Variants in CROCC2 observed in about 807,000 individuals in gnomAD.
CROCC2 encodes the protein ciliary rootlet coiled-coil protein 2.
In CROCC2, 163 loss-of-function variants were observed where a neutral mutation model predicts 177.6. The ratio of observed to expected loss-of-function variants is 0.92; its 90% CI spans 0.81 to 1.05. The LOEUF (loss-of-function observed/expected upper bound fraction) is 1.05, where lower values mean the gene tolerates loss of function less well. CROCC2 is among the 50% of genes least tolerant of loss of function. CROCC2 has a pLI of 0.00. For missense variants in CROCC2, 1,929 were observed against 1,797.8 expected (o/e 1.07, Z -1.32); for synonymous variants, 904 against 787.3 (o/e 1.15, Z -2.48).
Position 240,988,845 on chromosome 2 carries a change from C to G in CROCC2, c.4658C>G (p.Ala1553Gly). The G allele has an allele frequency of 6.7e-7, 1 of 1,496,262 alleles. No homozygotes were observed. The highest frequency in any genetic ancestry group is 9.0e-7 in the Non-Finnish European group (1 of 1,115,814). 92.7% of individuals were successfully genotyped at this position (1,496,262 alleles called of 1,614,324 possible). A position where few individuals can be genotyped will look rare whatever the true frequency, so the allele number is the denominator to read the frequency against. ...LNSLHQEVDG[A>G]LRQNQQLQAQ... is the part of the protein sequence containing the mutation. ...AGCCTGCACCAGGAGGTGGACGGAG[C>G]CCTGAGGCAAAATCAGCAGCTGCAG... Residue 1553 changes from alanine to glycine, a missense_variant, in exon 29 of 32, where the codon GCC (alanine) becomes GGC (glycine). Physicochemically the swap from Ala to Gly is moderately conservative, Grantham distance 60. This residue lies in a region of CROCC2 where 388 missense variants were observed against 352.7 expected (regional missense o/e 1.10). Coordinates refer to ENST00000690015, the MANE Select transcript of CROCC2 (RefSeq NM_001351305.2).
chr2:240,985,777 A>ACTCCACACTCACCCAGGCACTCC (rs1559192935), intron 28 of CROCC2: 1 of 226,594 alleles, frequency 4.4e-6, no homozygotes, highest in Admixed American at 5.4e-5. Flanking sequence ...CCAGGCACTC[A>ACTCCACACTCACCCAGGCACTCC]GCACACACCC....
rs559408100 is a variant in CROCC2, at chr2:240,918,828, C to A, written c.181C>A (p.Arg61Ser). ...GGCCTCGCCCACCCCCGTGCCCACC[C>A]GCATCCGTGAGATCGTGGCCGGCAG... ...RQASPTPVPT[R>S]IREIVAGSLS... Residue 61 changes from arginine (R) to serine (S), a missense_variant, in exon 2 of 32, where the codon CGC becomes AGC. Physicochemically the swap from Arg to Ser is moderately radical, Grantham distance 110. Around this residue, in one of 3 missense-constraint regions of CROCC2, gnomAD observed 1,397 missense variants for 1,239.9 expected, o/e 1.13. Coordinates refer to ENST00000690015, the MANE Select transcript of CROCC2 (RefSeq NM_001351305.2). This position sits in a 1 kb window ranked among gnomAD's most constrained non-coding sequence, Gnocchi z 6.3. 7 of 631,124 alleles carry A rather than the reference C, an allele frequency of 1.1e-5. No individual in the cohort carries two copies. In the African/African-American group the frequency reaches 1.1e-4, roughly 10 times the overall value. The allele number at this position is 631,124 out of a possible 1,614,324, so 39.1% of individuals were successfully genotyped here.
At chr2:240,948,432 G>A (rs1047964803) in intron 15 of CROCC2, among the ~76,000 whole-genome samples, 1 of 152,198 alleles carries the variant, frequency 6.6e-6, no homozygotes, top group Non-Finnish European at 1.5e-5. Flanking sequence ...TACCATTTGT[G>A]TGTTCATATG....
At position 240,964,456 on chromosome 2, in the gene CROCC2, C is replaced by T. The variant is rs2059663235; in HGVS notation, c.3306-10C>T. 10 of 1,548,302 alleles carry T rather than the reference C, an allele frequency of 6.5e-6. No homozygotes were observed. Among genetic ancestry groups the T allele is most frequent in the Non-Finnish European group, 8.7e-6 (10 of 1,146,722 alleles). On this transcript the variant is annotated splice_polypyrimidine_tract_variant and intron_variant, in intron 21 of 31. Coordinates refer to ENST00000690015, the MANE Select transcript of CROCC2 (RefSeq NM_001351305.2). ...GGTGCGGGGGCCCCAGCCTGTGGCACCCTCGTCAGTTTTAAGCGGTCCAAG... is the reference window on the plus strand; with the variant it reads ...GGTGCGGGGGCCCCAGCCTGTGGCATCCTCGTCAGTTTTAAGCGGTCCAAG...
rs1159544533 is a variant in CROCC2 at position 240,922,558 on chromosome 2, C to A, written c.401C>A (p.Thr134Asn). Residue 134 changes from threonine to asparagine, a missense_variant, in exon 4 of 32, where the codon ACC becomes AAC. Thr to Asn is a moderately conservative substitution (Grantham distance 65). Around this residue, in one of 3 missense-constraint regions of CROCC2, gnomAD observed 1,397 missense variants for 1,239.9 expected, o/e 1.13. Coordinates refer to ENST00000690015, the MANE Select transcript of CROCC2 (RefSeq NM_001351305.2). Reference protein sequence around the residue: ...VSEQLQARLETTEAQLRRSEL... With the variant: ...VSEQLQARLENTEAQLRRSEL... Reference sequence around the variant, plus strand: ...CCCCAGCTGCAGGCCCGGCTGGAGACCACCGAGGCTCAGCTGCGGAGGTCA... The same window carrying A: ...CCCCAGCTGCAGGCCCGGCTGGAGAACACCGAGGCTCAGCTGCGGAGGTCA... 1.4e-6 allele frequency: 1 copy of A among 694,996 alleles called. No individual in the cohort carries two copies. The highest frequency in any genetic ancestry group is 1.8e-5 in the African/African-American group (1 of 56,454). The allele number at this position is 694,996 out of a possible 1,614,324, so 43.1% of individuals were successfully genotyped here. A position where few individuals can be genotyped will look rare whatever the true frequency, so the allele number is the denominator to read the frequency against.
At position 240,989,815 on chromosome 2, in the gene CROCC2, A is replaced by G. The variant is rs2106495428; in HGVS notation, c.4845A>G (p.Val1615=). ...AAGAATGGACCCACCAGCAGCAGGT[A>G]AAGGTGCTGGAAGAGCAGGTAAGGT... is the stretch of plus-strand genomic sequence containing the variant. ...ESQEWTHQQQ[V]KVLEEQVASL... The change falls in exon 30 of 32, where the codon GTA becomes GTG. Residue 1615 remains valine (V), a synonymous_variant. Coordinates refer to ENST00000690015, the MANE Select transcript of CROCC2 (RefSeq NM_001351305.2). The G allele has an allele frequency of 6.5e-7, 1 of 1,544,864 alleles. No homozygotes were observed. The highest frequency in any genetic ancestry group is 8.8e-7 in the Non-Finnish European group (1 of 1,142,742).
At chr2:240,975,648 C>A (rs1216326521) in intron 27 of CROCC2, among the ~76,000 whole-genome samples, 1 of 151,852 alleles carries the variant, frequency 6.6e-6, no homozygotes, top group Non-Finnish European at 1.5e-5. Flanking sequence ...CGCTCCCAGC[C>A]TTCCATGCAA....
intron 15 of CROCC2, among the ~76,000 whole-genome samples, chr2:240,947,295 G>T (rs1330467016): frequency 6.6e-6 from 1 of 152,194 alleles, no homozygotes; most frequent in Non-Finnish European, 1.5e-5. Flanking sequence ...GGCCCTGGGG[G>T]CTCCAAGGAC....
chr2:240,937,034 G>C (rs546143961), intron 14 of CROCC2, among the ~76,000 whole-genome samples: 1 of 152,202 alleles, frequency 6.6e-6, no homozygotes, highest in African/African-American at 2.4e-5. Context: ...CACTGTATAG[G>C]TGTGTGTTGA....
At position 240,966,022 on chromosome 2, in the gene CROCC2, C is replaced by T. The variant is rs537820835; in HGVS notation, c.3961+29C>T. The T allele has an allele frequency of 7.5e-6, 10 of 1,327,614 alleles. No homozygotes were observed. The African/African-American group carries it at 9.1e-5, about 12-fold the overall frequency. The allele number at this position is 1,327,614 out of a possible 1,614,324, so 82.2% of individuals were successfully genotyped here. ...AGAGTCCTCAGTGGAGGCAGGCGGG[C>T]CCCTCTCCCAGCTCAGTCCCTGGCC... is the stretch of plus-strand genomic sequence containing the variant. On this transcript the variant is annotated intron_variant, in intron 24 of 31. Coordinates refer to ENST00000690015, the MANE Select transcript of CROCC2 (RefSeq NM_001351305.2).
At chr2:240,968,300 A>G (rs1430663697) in intron 27 of CROCC2, 38 bp downstream of exon 27, 2 of 1,506,740 alleles carry the variant, frequency 1.3e-6, no homozygotes, top group Non-Finnish European at 1.8e-6. Flanking sequence ...GGTGGGGCAC[A>G]AGAACAAGGC....
At chr2:240,989,392 T>C (rs2106495166) in intron 29 of CROCC2, among the ~76,000 whole-genome samples, 2 of 152,188 alleles carry the variant, frequency 1.3e-5, no homozygotes, top group Admixed American at 1.3e-4. Flanking sequence ...AAAAGGAACC[T>C]GGGGTGCCAT....
chr2:240,957,912 A>T, intron 19 of CROCC2: 1 of 944,068 alleles, frequency 1.1e-6, no homozygotes, highest in Non-Finnish European at 1.3e-6. Context: ...GCAGGGACCC[A>T]GGAAAGCCCT....
rs1002501718 is a variant in CROCC2 at position 240,972,352 on chromosome 2, C to G, written c.4401+4090C>G. 6.6e-6 allele frequency among the ~76,000 whole-genome samples: 1 copy of G among 152,062 alleles called. No homozygotes were observed. Among genetic ancestry groups the G allele is most frequent in the South Asian group, 2.1e-4 (1 of 4,818 alleles). ...GGAGCTGTTCTGTTCCTGAAGTGGGCGGGGTGGGAGCGGCGCTCTCCGGTG... is the reference window on the plus strand; with the variant it reads ...GGAGCTGTTCTGTTCCTGAAGTGGGGGGGGTGGGAGCGGCGCTCTCCGGTG... On this transcript the variant is annotated intron_variant, in intron 27 of 31. Coordinates refer to ENST00000690015, the MANE Select transcript of CROCC2 (RefSeq NM_001351305.2). This position sits in a 1 kb window ranked among gnomAD's most constrained non-coding sequence, Gnocchi z 7.1.
intron 27 of CROCC2, among the ~76,000 whole-genome samples, chr2:240,969,882 CA>C (rs1290660715): frequency 6.6e-6 from 1 of 152,118 alleles, no homozygotes; most frequent in East Asian, 1.9e-4. Flanking sequence ...AGGCACCCGC[CA>C]ATACACCTAA....
chr2:240,909,344 GGGTGAGCTCTACCTCCTCCACCTCA>G (rs1559585709), intron 1 of CROCC2, among the ~76,000 whole-genome samples: 16 of 151,496 alleles, frequency 1.1e-4, no homozygotes, highest in Non-Finnish European at 2.2e-4. Context: ...CCTCCACCTG[GGGTGAGCTCTACCTCCTCCACCTCA>G]GGTGACCTCT....
At chr2:240,934,021 G>C (rs2059450922) in intron 11 of CROCC2, among the ~76,000 whole-genome samples, 169 bp downstream of exon 11, 1 of 152,188 alleles carries the variant, frequency 6.6e-6, no homozygotes, top group Non-Finnish European at 1.5e-5. Context: ...TTCTCCCCAG[G>C]CTGCACCATC....
chr2:240,961,817 TCACA>T (rs776236348), intron 20 of CROCC2, among the ~76,000 whole-genome samples: 1 of 61,044 alleles, frequency 1.6e-5, no homozygotes, highest in East Asian at 6.8e-4. Context: ...TCACATACAC[TCACA>T]CACACGCACG....
intron 14 of CROCC2, among the ~76,000 whole-genome samples, chr2:240,939,510 G>A (rs1483395187): frequency 1.3e-5 from 2 of 151,802 alleles, no homozygotes; most frequent in Non-Finnish European, 2.9e-5. Flanking sequence ...AAATACACTG[G>A]AAAGTAGTCT....
Sources: gnomAD v4.1 joint callset for allele counts (sites outside exome capture counted in the v4.1 genomes callset) on GRCh38, gnomAD v4.1.1 for gene constraint, gnomAD v4.1.1 regional missense constraint, Gnocchi (gnomAD v3.1) non-coding constraint, MANE v1.5 for transcripts, NCBI Gene and HGNC (gene_info 2026-07-23, HGNC 2026-07-21) for gene names.